The following SEC24B variants were observed in gnomAD, a reference collection of about 807,000 sequenced individuals.
SEC24B encodes SEC24 homolog B, COPII component.
A neutral mutation model predicts 142.8 loss-of-function variants in SEC24B; 45 were observed. The ratio of observed to expected loss-of-function variants is 0.32; its 90% CI spans 0.25 to 0.40. The LOEUF (loss-of-function observed/expected upper bound fraction) is 0.40. Ranked by LOEUF, SEC24B falls within the 10% of genes least tolerant of loss-of-function variation. The pLI, the probability that SEC24B is intolerant of heterozygous loss-of-function variation, is 1.00. For missense variants in SEC24B, 1,409 were observed against 1,526.8 expected, an observed-to-expected ratio of 0.92 and a Z score of 1.29; for synonymous variants, 574 against 568.2, an observed-to-expected ratio of 1.01 and a Z score of -0.15.
At chr4:109,445,353 C>G (rs930579575) in intron 1 of SEC24B, among the ~76,000 whole-genome samples, 1 of 146,012 alleles carries the variant, frequency 6.8e-6, no homozygotes, top group African/African-American at 2.6e-5. Flanking sequence ...ACACCATTCT[C>G]CTGCCTCAGC....
intron 11 of SEC24B, among the ~76,000 whole-genome samples, chr4:109,516,869 A>C (rs1366238112): frequency 6.6e-6 from 1 of 152,188 alleles, no homozygotes; most frequent in African/African-American, 2.4e-5. Context: ...AGGAATTTAG[A>C]TCTCATCTAA....
chr4:109,484,851 C>CA (rs36027800), intron 4 of SEC24B, among the ~76,000 whole-genome samples: 1,850 of 72,114 alleles, frequency 0.026, 37 homozygotes, highest in African/African-American at 0.059. Context: ...GACTCTGTCT[C>CA]AAAAAAAAAA....
chr4:109,501,303 A>G (rs1252482860), intron 6 of SEC24B, among the ~76,000 whole-genome samples: 1 of 152,292 alleles, frequency 6.6e-6, no homozygotes, highest in East Asian at 1.9e-4. Flanking sequence ...AGGCTATACC[A>G]TCTAGGTTTG....
chr4:109,470,124 A>G (rs1241353383), intron 2 of SEC24B, among the ~76,000 whole-genome samples: 2 of 152,236 alleles, frequency 1.3e-5, no homozygotes, highest in Non-Finnish European at 2.9e-5. Context: ...GATGTGGAGT[A>G]ACAGGAAACT....
intron 4 of SEC24B, 44 bp from the exon 5 acceptor site, chr4:109,491,283 C>A: frequency 6.8e-7 from 1 of 1,475,756 alleles, no homozygotes. Context: ...CTTTAAGATA[C>A]TTTGTCATTT....
At chr4:109,499,327 G>A (rs1355866564) in intron 6 of SEC24B, among the ~76,000 whole-genome samples, 1 of 152,064 alleles carries the variant, frequency 6.6e-6, no homozygotes, top group East Asian at 1.9e-4. Context: ...TTTATAATGA[G>A]TCTCCCATTT....
intron 6 of SEC24B, among the ~76,000 whole-genome samples, chr4:109,505,477 A>G (rs78868664): frequency 0.037 from 5,626 of 152,250 alleles, 117 homozygotes; most frequent in East Asian, 0.047. Flanking sequence ...CCGGTATAAA[A>G]TCAAAGAACT....
chr4:109,506,287 G>A (rs1294347729), intron 6 of SEC24B, 41 bp from the exon 7 acceptor site: 1 of 1,394,790 alleles, frequency 7.2e-7, no homozygotes, highest in South Asian at 1.8e-5. Flanking sequence ...ATTTATTTAT[G>A]TTTTATTGTT....
intron 15 of SEC24B, 47 bp downstream of exon 15, chr4:109,524,988 A>T (rs1246475966): frequency 6.6e-7 from 1 of 1,520,800 alleles, no homozygotes; most frequent in Non-Finnish European, 8.9e-7. Context: ...AACATTTTTA[A>T]TGCATAATTA....
intron 1 of SEC24B, among the ~76,000 whole-genome samples, chr4:109,454,679 A>G (rs1302569355): frequency 6.6e-6 from 1 of 152,214 alleles, no homozygotes; most frequent in Non-Finnish European, 1.5e-5. Flanking sequence ...TAGCCTTAGA[A>G]ACCAGATTCC....
rs1228073377 is a variant in SEC24B at position 109,463,377 on chromosome 4, G to A, written c.610G>A (p.Gly204Ser). 3.7e-6 allele frequency: 6 copies of A among 1,613,988 alleles called. No individual in the cohort carries two copies. The highest frequency in any genetic ancestry group is 2.2e-5 in the South Asian group (2 of 91,074). The change falls in exon 2 of 24, where the codon GGT becomes AGT. Residue 204 changes from glycine (G) to serine (S), a missense_variant. By Grantham distance (56) the Gly-to-Ser change is moderately conservative. Around this residue, in one of 2 missense-constraint regions of SEC24B, gnomAD observed 709 missense variants for 673.5 expected, o/e 1.05. Coordinates refer to ENST00000265175, the MANE Select transcript of SEC24B (RefSeq NM_006323.5). Reference sequence around the variant, plus strand: ...TGTTTCATATCCCTCTCTGCCTGCTGGTGATACATATGGGCAAATGTTTAC... The same window carrying A: ...TGTTTCATATCCCTCTCTGCCTGCTAGTGATACATATGGGCAAATGTTTAC... Reference protein sequence around the residue: ...PSVSYPSLPAGDTYGQMFTSQ... With the variant: ...PSVSYPSLPASDTYGQMFTSQ...
chr4:109,452,575 G>T (rs539652766), intron 1 of SEC24B, among the ~76,000 whole-genome samples: 4 of 152,240 alleles, frequency 2.6e-5, no homozygotes, highest in Non-Finnish European at 5.9e-5. Context: ...CCACATCTTT[G>T]CCAGCATTTG....
In SEC24B at chr4:109,526,214, T is replaced by C; in HGVS notation, c.2792-12T>C. On this transcript the variant is annotated splice_polypyrimidine_tract_variant and intron_variant, in intron 16 of 23. Coordinates refer to ENST00000265175, the MANE Select transcript of SEC24B (RefSeq NM_006323.5). ...TTGTTAACTTGATTTTTTATGATTT[T>C]CTCCTTTTTAGGTCTTTCAATGCAC... 1 of 1,611,024 alleles carries C rather than the reference T, an allele frequency of 6.2e-7. No homozygotes were observed. Among genetic ancestry groups the C allele is most frequent in the South Asian group, 1.1e-5 (1 of 90,242 alleles).
intron 9 of SEC24B, 33 bp downstream of exon 9, chr4:109,512,116 C>G (rs1737407343): frequency 6.4e-7 from 1 of 1,551,060 alleles, no homozygotes; most frequent in Non-Finnish European, 8.7e-7. Flanking sequence ...TGTTTTAATC[C>G]TATTTTCAGG....
chr4:109,532,751 C>T lies in SEC24B; in HGVS notation c.3495+8C>T. Reference sequence around the variant, plus strand: ...CTTATGGACTGTGGCTCTGTAAGCACCCTTTACTGGCAAAGCTTAACACTG... The same window carrying T: ...CTTATGGACTGTGGCTCTGTAAGCATCCTTTACTGGCAAAGCTTAACACTG... On this transcript the variant is annotated splice_region_variant and intron_variant, in intron 21 of 23. Transcript: ENST00000265175. 7.3e-6 allele frequency: 10 copies of T among 1,362,866 alleles called. No individual in the cohort carries two copies. Among genetic ancestry groups the T allele is most frequent in the Non-Finnish European group, 1.1e-5 (10 of 951,336 alleles). 84.4% of individuals were successfully genotyped at this position (1,362,866 alleles called of 1,614,324 possible).
chr4:109,449,359 G>A (rs1729813690), intron 1 of SEC24B: 1 of 355,978 alleles, frequency 2.8e-6, no homozygotes, highest in South Asian at 2.1e-5. Flanking sequence ...AAGTAGCTGG[G>A]ACTACAGGCA....
At chr4:109,530,521 A>C (rs1406635208) in intron 19 of SEC24B, 57 bp downstream of exon 19, 3 of 1,376,986 alleles carry the variant, frequency 2.2e-6, no homozygotes, top group African/African-American at 2.9e-5. Flanking sequence ...TCAGATATGT[A>C]CATGAAGAAA....
chr4:109,526,632 C>A (rs1724257882), intron 17 of SEC24B, among the ~76,000 whole-genome samples: 1 of 152,052 alleles, frequency 6.6e-6, no homozygotes, highest in South Asian at 2.1e-4. Context: ...AATCTTGTTT[C>A]AAAACAGTTC....
chr4:109,510,573 A>G (rs932224990), intron 8 of SEC24B, among the ~76,000 whole-genome samples: 4 of 152,170 alleles, frequency 2.6e-5, no homozygotes, highest in African/African-American at 9.6e-5. Flanking sequence ...ACACTTTCGG[A>G]GTTCTTTATT....
Sources: gnomAD v4.1 joint callset for allele counts (sites outside exome capture counted in the v4.1 genomes callset) on GRCh38, gnomAD v4.1.1 for gene constraint, gnomAD v4.1.1 regional missense constraint, MANE v1.5 for transcripts, NCBI Gene and HGNC (gene_info 2026-07-23, HGNC 2026-07-21) for gene names.